PARN: variants seen among roughly 807,000 people sequenced by gnomAD.
The protein encoded by PARN is poly(A)-specific ribonuclease PARN.
A neutral mutation model predicts 102.8 loss-of-function variants in PARN; 71 were observed. The observed-to-expected ratio is 0.69, with a 90% CI of 0.57 to 0.84. PARN has a LOEUF of 0.84. PARN is among the 40% of genes least tolerant of loss of function. The pLI is 0.00. For synonymous variants in PARN, 261 were observed against 252.9 expected, an observed-to-expected ratio of 1.03 and a Z score of -0.30; for missense variants, 782 against 760.9, an observed-to-expected ratio of 1.03 and a Z score of -0.33.
intron 5 of PARN, among the ~76,000 whole-genome samples, chr16:14,626,380 C>T (rs1972663343): frequency 6.6e-6 from 1 of 152,158 alleles, no homozygotes; most frequent in Non-Finnish European, 1.5e-5. Flanking sequence ...GACTCCTGAG[C>T]TCAAGTGATT....
At chr16:14,558,735 TA>T (rs1465118604) in intron 18 of PARN, among the ~76,000 whole-genome samples, 1 of 152,208 alleles carries the variant, frequency 6.6e-6, no homozygotes, top group East Asian at 1.9e-4. Context: ...TTCTAAGTTT[TA>T]AAAAGGCACA....
intron 18 of PARN, among the ~76,000 whole-genome samples, chr16:14,558,968 C>T (rs903315339): frequency 6.6e-6 from 1 of 152,028 alleles, no homozygotes; most frequent in Admixed American, 6.5e-5. Context: ...AAAATGCCAT[C>T]TGAATTAATC....
At chr16:14,613,892 G>A (rs1971692109) in intron 6 of PARN, among the ~76,000 whole-genome samples, 1 of 152,198 alleles carries the variant, frequency 6.6e-6, no homozygotes, top group Non-Finnish European at 1.5e-5. Context: ...GAAGTCAACA[G>A]ATTGCTGAAA....
At chr16:14,540,393 CA>C (rs1966794681) in intron 21 of PARN, among the ~76,000 whole-genome samples, 1 of 151,988 alleles carries the variant, frequency 6.6e-6, no homozygotes, top group Non-Finnish European at 1.5e-5. Flanking sequence ...ACACACTGGC[CA>C]ACTACAAAAG....
At chr16:14,451,839 T>A (rs1395112859) in intron 22 of PARN, among the ~76,000 whole-genome samples, 1 of 80,006 alleles carries the variant, frequency 1.2e-5, no homozygotes, top group African/African-American at 5.0e-5. Context: ...AGAAACCCCG[T>A]CTCTAAAAAA....
chr16:14,464,584 C>T (rs1337298925), intron 22 of PARN, among the ~76,000 whole-genome samples: 1 of 151,916 alleles, frequency 6.6e-6, no homozygotes, highest in African/African-American at 2.4e-5. Flanking sequence ...GGCAAAACCC[C>T]ATCTCTACTA....
intron 13 of PARN, among the ~76,000 whole-genome samples, chr16:14,589,835 C>T (rs916851274): frequency 6.6e-6 from 1 of 151,900 alleles, no homozygotes; most frequent in Non-Finnish European, 1.5e-5. Flanking sequence ...CCACTGCACT[C>T]CAGCCTAGGT....
At chr16:14,586,226 C>T (rs1490081213) in intron 14 of PARN, 92 bp downstream of exon 14, 1 of 740,752 alleles carries the variant, frequency 1.3e-6, no homozygotes, top group Non-Finnish European at 2.4e-6. Flanking sequence ...ATCCTCCCAC[C>T]TCAGTCTCCC....
At chr16:14,551,106 A>T (rs1226499285) in intron 21 of PARN, among the ~76,000 whole-genome samples, 1 of 151,636 alleles carries the variant, frequency 6.6e-6, no homozygotes, top group Non-Finnish European at 1.5e-5. Context: ...TAAATTTTGC[A>T]TATTTAGTAG....
chr16:14,464,485 G>A (rs1404800289), intron 22 of PARN, among the ~76,000 whole-genome samples: 1 of 152,312 alleles, frequency 6.6e-6, no homozygotes, highest in African/African-American at 2.4e-5. Context: ...GCCAGGTGTG[G>A]TGGCTCACGC....
rs747006604 is a variant in PARN at position 14,554,092 on chromosome 16, C to A, written c.1378G>T (p.Asp460Tyr). 1.2e-6 allele frequency: 2 copies of A among 1,612,902 alleles called. No individual in the cohort carries two copies. Among genetic ancestry groups the A allele is most frequent in the South Asian group, 1.1e-5 (1 of 90,738 alleles). Reference sequence around the variant, plus strand: ...AAGGCACTGAAAAGCTGGTAAAGGTCGCTGGTTTTCCATTCTTTGGGGAAT... The same window carrying A: ...AAGGCACTGAAAAGCTGGTAAAGGTAGCTGGTTTTCCATTCTTTGGGGAAT... ...VTFPKEWKTS[D>Y]LYQLFSAFGN... Residue 460 changes from aspartate to tyrosine, a missense_variant, in exon 20 of 24, where the codon GAC becomes TAC. Coordinates refer to ENST00000437198, the MANE Select transcript of PARN (RefSeq NM_002582.4).
intron 21 of PARN, among the ~76,000 whole-genome samples, chr16:14,503,160 G>A (rs1487291522): frequency 1.3e-5 from 2 of 152,136 alleles, no homozygotes; most frequent in African/African-American, 2.4e-5. Context: ...GATACTAGCT[G>A]AATGGATTCT....
At position 14,584,282 on chromosome 16, in the gene PARN, C is replaced by A. The variant is rs1969705522; in HGVS notation, c.1081+65G>T. The A allele has an allele frequency of 1.1e-5, 13 of 1,214,952 alleles. No individual in the cohort carries two copies. The South Asian group carries it at 1.6e-4, about 15-fold the overall frequency. The allele number at this position is 1,214,952 out of a possible 1,614,324, so 75.3% of individuals were successfully genotyped here. ...CGGTCTCCAGAGCCATTCTGCTTTT[C>A]TTCTACAATATACATCAATAATTAT... is the stretch of plus-strand genomic sequence containing the variant. On this transcript the variant is annotated intron_variant, in intron 16 of 23. Transcript: ENST00000437198.
chr16:14,569,731 A>G (rs1223396308), intron 18 of PARN, among the ~76,000 whole-genome samples: 1 of 152,224 alleles, frequency 6.6e-6, no homozygotes, highest in Non-Finnish European at 1.5e-5. Context: ...ACAAAAGGAT[A>G]CATTCATAGA....
intron 18 of PARN, among the ~76,000 whole-genome samples, chr16:14,570,998 AG>A: frequency 6.6e-6 from 1 of 152,218 alleles, no homozygotes; most frequent in East Asian, 1.9e-4. Flanking sequence ...GGAAAGAAAA[AG>A]AAAAGAATTA....
chr16:14,560,318 ACGTTCTTT>A (rs1359544218), intron 18 of PARN, among the ~76,000 whole-genome samples: 1 of 152,196 alleles, frequency 6.6e-6, no homozygotes, highest in African/African-American at 2.4e-5. Flanking sequence ...CTTGCACGAA[ACGTTCTTT>A]CTATTTTAGC....
At chr16:14,576,455 A>T (rs1969146046) in intron 18 of PARN, among the ~76,000 whole-genome samples, 1 of 152,216 alleles carries the variant, frequency 6.6e-6, no homozygotes. Flanking sequence ...TAAAAGGGTC[A>T]AGGTGTCTTG....
intron 21 of PARN, among the ~76,000 whole-genome samples, chr16:14,484,776 C>T (rs1963567129): frequency 6.6e-6 from 1 of 152,158 alleles, no homozygotes; most frequent in Non-Finnish European, 1.5e-5. Flanking sequence ...TCCGGAATGT[C>T]ATGCCCTAAA....
intron 5 of PARN, among the ~76,000 whole-genome samples, 162 bp downstream of exon 5, chr16:14,626,944 G>C (rs575202170): frequency 6.6e-6 from 1 of 152,106 alleles, no homozygotes; most frequent in Non-Finnish European, 1.5e-5. Flanking sequence ...CAGCAAAGGA[G>C]GAGATAACAG....
Sources: allele counts gnomAD v4.1 joint callset (sites outside exome capture counted in the v4.1 genomes callset), GRCh38; gene constraint gnomAD v4.1.1; transcripts MANE v1.5; gene names NCBI Gene and HGNC (gene_info 2026-07-23, HGNC 2026-07-21).